Variants in LRP5 observed in about 807,000 individuals in gnomAD.
The protein encoded by LRP5 is low-density lipoprotein receptor-related protein 5.
LRP5 carries 62 observed loss-of-function variants against 154.1 expected under a neutral mutation model. The ratio of observed to expected loss-of-function variants is 0.40; its 90% confidence interval spans 0.33 to 0.50. LRP5 has a LOEUF of 0.50. LRP5 is among the 20% of genes least tolerant of loss of function. The pLI is 0.55. For synonymous variants in LRP5, 966 were observed against 1,011.5 expected (o/e 0.96, Z 0.85); for missense variants, 1,915 against 2,336.7 (o/e 0.82, Z 3.72).
chr11:68,448,406 C>T (rs991838991), intron 22 of LRP5, among the ~76,000 whole-genome samples: 2 of 152,214 alleles, frequency 1.3e-5, no homozygotes, highest in Non-Finnish European at 2.9e-5. Context: ...TAGCACCTTC[C>T]AGGCAGAATC....
intron 1 of LRP5, among the ~76,000 whole-genome samples, chr11:68,324,408 C>T (rs1219173644): frequency 6.6e-6 from 1 of 152,118 alleles, no homozygotes; most frequent in African/African-American, 2.4e-5. Flanking sequence ...CTGTGTGGCC[C>T]CCAGGGTGCC....
chr11:68,446,188 G>A (rs2098681342), intron 21 of LRP5, among the ~76,000 whole-genome samples: 1 of 152,228 alleles, frequency 6.6e-6, no homozygotes, highest in Non-Finnish European at 1.5e-5. Flanking sequence ...GCAGGTACTT[G>A]GAAGGGCGCG....
At chr11:68,441,357 C>T (rs1487007597) in intron 21 of LRP5, among the ~76,000 whole-genome samples, 2 of 152,212 alleles carry the variant, frequency 1.3e-5, no homozygotes, top group African/African-American at 4.8e-5. Context: ...GGATTACAGG[C>T]GTGAGCCACC....
chr11:68,303,584 C>T, the LRP5 span, among the ~76,000 whole-genome samples: 8 of 152,292 alleles, frequency 5.3e-5, no homozygotes, highest in Admixed American at 1.3e-4. Flanking sequence ...ACCTCTGCCT[C>T]CCAGGTTCAA....
At position 68,366,745 on chromosome 11, in the gene LRP5, A is replaced by G. The variant is rs1338663859; in HGVS notation, c.1015+1043A>G. The stretch of plus-strand genomic sequence containing the variant: ...AGGGGATGGTTGGAGAGCCTCCCCG[A>G]CCAAGCATCTTGTTTCCCAAGTCGG... On this transcript the variant is annotated intron_variant, in intron 5 of 22. Transcript: ENST00000294304. Among the ~76,000 whole-genome samples, 3 of 152,112 alleles carry G rather than the reference A, an allele frequency of 2.0e-5. No homozygotes were observed. The South Asian group carries it at 6.2e-4, about 32-fold the overall frequency.
intron 1 of LRP5, among the ~76,000 whole-genome samples, chr11:68,344,849 CTTTTTTTTTTTTTTT>C (rs58477287): frequency 6.1e-5 from 4 of 65,574 alleles, no homozygotes; most frequent in East Asian, 4.1e-4. Flanking sequence ...GAATCTCTCT[CTTTTTTTTTTTTTTT>C]TTTTTTTTTT....
At chr11:68,412,029 C>T (rs1269455301) in intron 11 of LRP5, among the ~76,000 whole-genome samples, 1 of 152,144 alleles carries the variant, frequency 6.6e-6, no homozygotes, top group African/African-American at 2.4e-5. Flanking sequence ...GGCCAGCACT[C>T]GATCCCCACC....
At chr11:68,393,125 G>A (rs2098647293) in intron 7 of LRP5, among the ~76,000 whole-genome samples, 1 of 150,126 alleles carries the variant, frequency 6.7e-6, no homozygotes. Context: ...GCAAGACCCT[G>A]TCTGAAAAAA....
rs201821415 is a variant in LRP5, at chr11:68,319,982, A to AC, written c.91+7183dup. On this transcript the variant is annotated intron_variant, in intron 1 of 22. Transcript: ENST00000294304. The stretch of plus-strand genomic sequence containing the variant: ...AGACCAGCCTGGGCAAAATTGGGAG[A>AC]CCCCCCATGTCTACAAAAAATTTAA... 8.3e-3 allele frequency among the ~76,000 whole-genome samples: 1,260 copies of AC among 151,618 alleles called. 14 individuals carry two copies. Among genetic ancestry groups the AC allele is most frequent in the East Asian group, 0.031 (162 of 5,154 alleles).
At chr11:68,438,712 G>C (rs772467765) in intron 20 of LRP5, 30 bp downstream of exon 20, 21 of 1,595,684 alleles carry the variant, frequency 1.3e-5, no homozygotes, top group Non-Finnish European at 1.7e-5. Context: ...GAATGATCTG[G>C]AGGAGGCAGG....
In LRP5 at chr11:68,391,464, C is replaced by T. The variant is rs565282623; in HGVS notation, c.1584+1412C>T. ...GACGTCACCATCGGGGTCACCTTTG[C>T]TCTCCTCAGGGCTCCCAGGGGAGGC... On this transcript the variant is annotated intron_variant, in intron 7 of 22. Transcript: ENST00000294304. 2.6e-5 allele frequency among the ~76,000 whole-genome samples: 4 copies of T among 152,366 alleles called. No homozygotes were observed. In the South Asian group the frequency reaches 6.2e-4, roughly 24 times the overall value.
intron 2 of LRP5, among the ~76,000 whole-genome samples, chr11:68,352,096 G>C (rs2098619141): frequency 6.6e-6 from 1 of 152,164 alleles, no homozygotes; most frequent in African/African-American, 2.4e-5. Context: ...GCTGGAGCGA[G>C]AGTGAGCTGT....
chr11:68,406,940 A>T (rs1226552938), intron 9 of LRP5, 127 bp downstream of exon 9: 1 of 949,756 alleles, frequency 1.1e-6, no homozygotes, highest in Non-Finnish European at 1.6e-6. Flanking sequence ...GTTCAAGCTA[A>T]TCAAATATGA....
intron 8 of LRP5, chr11:68,404,276 G>A (rs541723853): frequency 1.9e-6 from 1 of 528,928 alleles, no homozygotes; most frequent in Admixed American, 2.2e-5. Flanking sequence ...GGACAGGCCT[G>A]GGGCTCGCGG....
chr11:68,356,818 T>C (rs990992529), intron 2 of LRP5, among the ~76,000 whole-genome samples: 1 of 152,232 alleles, frequency 6.6e-6, no homozygotes, highest in Non-Finnish European at 1.5e-5. Flanking sequence ...TGTCTCTGTG[T>C]ATTTGCTTTT....
At chr11:68,428,715 C>T (rs1377578461) in intron 16 of LRP5, among the ~76,000 whole-genome samples, 4 of 148,468 alleles carry the variant, frequency 2.7e-5, no homozygotes. Flanking sequence ...AAAGGTTATG[C>T]TCACAGATTC....
chr11:68,406,509 T>C lies in LRP5; in HGVS notation c.1802-15T>C. On this transcript the variant is annotated splice_polypyrimidine_tract_variant and intron_variant, in intron 8 of 22. Transcript: ENST00000294304. ...CTGTTGATGTTTAGACTGGAGCCTC[T>C]GTGTTCGCTTCCAGGAACCAACCCG... The C allele has an allele frequency of 6.2e-7, 1 of 1,613,946 alleles. No homozygotes were observed. Among genetic ancestry groups the C allele is most frequent in the Non-Finnish European group, 8.5e-7 (1 of 1,179,934 alleles).
rs1331750732 is a variant in LRP5 at position 68,413,385 on chromosome 11, G to A, written c.2504-304G>A. Among the ~76,000 whole-genome samples, 1 of 152,182 alleles carries A rather than the reference G, an allele frequency of 6.6e-6. No individual in the cohort carries two copies. Among genetic ancestry groups the A allele is most frequent in the African/African-American group, 2.4e-5 (1 of 41,448 alleles). On this transcript the variant is annotated intron_variant, in intron 11 of 22. Coordinates refer to ENST00000294304, the MANE Select transcript of LRP5 (RefSeq NM_002335.4). This position sits in a 1 kb window ranked among gnomAD's most constrained non-coding sequence, Gnocchi z 5.1. ...TGGAAGGCCTGGTCTCATTGCTGTG[G>A]GAGTGAAGGATGCACAGCCAGGCCT...
At position 68,429,681 on chromosome 11, in the gene LRP5, G is replaced by A. The variant is rs769333963; in HGVS notation, c.3744G>A (p.Gln1248=). Reference sequence around the variant, plus strand: ...GCCCAGTCCACCTCGTGCTCCTGCAGAACCTGCTGACCTGTGGAGGTAGGT... The same window carrying A: ...GCCCAGTCCACCTCGTGCTCCTGCAAAACCTGCTGACCTGTGGAGGTAGGT... ...CSCPVHLVLL[Q]NLLTCGEPPT... The change falls in exon 17 of 23, where the codon CAG becomes CAA. Residue 1248 remains glutamine (Q), a synonymous_variant. Transcript: ENST00000294304. The A allele has an allele frequency of 5.6e-6, 9 of 1,614,186 alleles. No homozygotes were observed. In the South Asian group the frequency reaches 9.9e-5, roughly 18 times the overall value.
Sources: gnomAD v4.1 joint callset for allele counts (sites outside exome capture counted in the v4.1 genomes callset) on GRCh38, gnomAD v4.1.1 for gene constraint, Gnocchi (gnomAD v3.1) non-coding constraint, MANE v1.5 for transcripts, NCBI Gene and HGNC (gene_info 2026-07-23, HGNC 2026-07-21) for gene names.